FEZ1: variants seen among roughly 807,000 people sequenced by gnomAD.
FEZ1 encodes fasciculation and elongation protein zeta-1.
A neutral mutation model predicts 49.3 loss-of-function variants in FEZ1; 20 were observed. That is an observed-to-expected ratio of 0.41 (90% CI 0.29 to 0.59). The LOEUF (loss-of-function observed/expected upper bound fraction) is 0.59, where lower values mean the gene tolerates loss of function less well. FEZ1 is among the 20% of genes least tolerant of loss of function. The pLI is 0.36. For synonymous variants in FEZ1, 170 were observed against 180.9 expected (o/e 0.94, Z 0.48); for missense variants, 413 against 476.0 (o/e 0.87, Z 1.23).
intron 5 of FEZ1, among the ~76,000 whole-genome samples, chr11:125,458,399 T>C (rs1052818882): frequency 1.3e-5 from 2 of 152,248 alleles, no homozygotes; most frequent in African/African-American, 4.8e-5. Context: ...AGCCGTTTCT[T>C]GTGCACAGTC....
intron 3 of FEZ1, among the ~76,000 whole-genome samples, chr11:125,474,940 T>TA (rs1408409909): frequency 2.0e-5 from 3 of 151,304 alleles, no homozygotes; most frequent in East Asian, 2.0e-4. Context: ...AACAATGTAC[T>TA]AAAAAAATGC....
chr11:125,485,707 G>A (rs1342272804), intron 2 of FEZ1, among the ~76,000 whole-genome samples: 2 of 151,798 alleles, frequency 1.3e-5, no homozygotes, highest in South Asian at 2.1e-4. Flanking sequence ...AGGCTGAGGC[G>A]GGTGGATTGC....
intron 3 of FEZ1, among the ~76,000 whole-genome samples, chr11:125,474,795 G>A (rs1283465825): frequency 3.3e-5 from 5 of 152,258 alleles, no homozygotes; most frequent in African/African-American, 1.2e-4. Context: ...GGCTAAGGCA[G>A]GAGAATCACT....
At chr11:125,457,659 G>A (rs1244746534) in intron 5 of FEZ1, among the ~76,000 whole-genome samples, 2 of 151,646 alleles carry the variant, frequency 1.3e-5, no homozygotes. Context: ...TACATAGGGG[G>A]TGTATGTGTT....
intron 4 of FEZ1, among the ~76,000 whole-genome samples, chr11:125,460,883 T>C (rs1957068333): frequency 6.6e-6 from 1 of 152,220 alleles, no homozygotes; most frequent in Non-Finnish European, 1.5e-5. Context: ...TAAAACCTCT[T>C]CCAAGAGCTC....
intron 8 of FEZ1, among the ~76,000 whole-genome samples, chr11:125,449,417 T>TAAAAAAAAAAAAAAA (rs35920814): frequency 3.7e-5 from 1 of 27,014 alleles, no homozygotes; most frequent in African/African-American, 1.4e-4. Flanking sequence ...TTTGTCTCTA[T>TAAAAAAAAAAAAAAA]AAAAAAAAAA....
intron 3 of FEZ1, chr11:125,469,113 T>C (rs556795081): frequency 6.6e-6 from 1 of 152,384 alleles, no homozygotes; most frequent in Admixed American, 6.5e-5. Context: ...GTTTATTCTG[T>C]CCATCAAGCC....
chr11:125,493,359 GAGAAA>G (rs1957403006), intron 1 of FEZ1, among the ~76,000 whole-genome samples: 1 of 58,126 alleles, frequency 1.7e-5, no homozygotes, highest in Admixed American at 1.8e-4. Flanking sequence ...GAAAGAAAGA[GAGAAA>G]AGAAAGAAAG....
chr11:125,487,491 A>G (rs898301785), intron 2 of FEZ1, among the ~76,000 whole-genome samples: 2 of 152,234 alleles, frequency 1.3e-5, no homozygotes, highest in Non-Finnish European at 2.9e-5. Context: ...ACGAAAAAAT[A>G]TTCGGCATAA....
At chr11:125,454,000 G>A in intron 7 of FEZ1, 130 bp downstream of exon 7, 3 of 432,854 alleles carry the variant, frequency 6.9e-6, no homozygotes, top group East Asian at 4.2e-5. Flanking sequence ...GGAGAAAAAA[G>A]TGTTAGGACC....
At chr11:125,492,392 C>T (rs1336972293) in intron 1 of FEZ1, among the ~76,000 whole-genome samples, 1 of 152,152 alleles carries the variant, frequency 6.6e-6, no homozygotes. Flanking sequence ...TTATTTTATG[C>T]ATTTAAAAAC....
intron 2 of FEZ1, chr11:125,488,670 A>G: frequency 5.3e-6 from 5 of 936,988 alleles, no homozygotes; most frequent in Non-Finnish European, 6.4e-6. Flanking sequence ...ATAGAATGAA[A>G]CTTCATCTCA....
chr11:125,474,364 C>T (rs1037127945), intron 3 of FEZ1, among the ~76,000 whole-genome samples: 1 of 151,696 alleles, frequency 6.6e-6, no homozygotes, highest in Admixed American at 6.6e-5. Flanking sequence ...GAGGGGATCT[C>T]ACTATGTTGC....
chr11:125,481,065 G>C (rs1247795475), intron 3 of FEZ1, among the ~76,000 whole-genome samples: 2 of 151,100 alleles, frequency 1.3e-5, no homozygotes, highest in African/African-American at 4.9e-5. Context: ...AAAAAGGAAA[G>C]TAATGGCAGA....
At position 125,495,472 on chromosome 11, in the gene FEZ1, G is replaced by A. The variant is rs756530289; in HGVS notation, c.-46+649C>T. 2.1e-6 allele frequency: 1 copy of A among 470,730 alleles called. No homozygotes were observed. Among genetic ancestry groups the A allele is most frequent in the Non-Finnish European group, 4.4e-6 (1 of 226,886 alleles). 29.2% of individuals were successfully genotyped at this position (470,730 alleles called of 1,614,324 possible). A position where few individuals can be genotyped will look rare whatever the true frequency, so the allele number is the denominator to read the frequency against. On this transcript the variant is annotated intron_variant, in intron 1 of 9. Coordinates refer to ENST00000278919, the MANE Select transcript of FEZ1 (RefSeq NM_005103.5). This position sits in a 1 kb window ranked among gnomAD's most constrained non-coding sequence, Gnocchi z 4.2. ...CAGCGCGCCCCGCCACCGCGCAGCC[G>A]CCCCGGTCCCTTCTCCCGCCCGTCT...
At chr11:125,476,028 T>G (rs1176573379) in intron 3 of FEZ1, among the ~76,000 whole-genome samples, 1 of 152,236 alleles carries the variant, frequency 6.6e-6, no homozygotes, top group Admixed American at 6.5e-5. Flanking sequence ...ACATTGAGTT[T>G]AATAAGCCAG....
chr11:125,476,728 G>A (rs1441008405), intron 3 of FEZ1, among the ~76,000 whole-genome samples: 1 of 152,066 alleles, frequency 6.6e-6, no homozygotes, highest in Non-Finnish European at 1.5e-5. Context: ...ACAGATTTGG[G>A]GTTTCTCAAC....
chr11:125,451,678 C>A (rs1956959396), intron 8 of FEZ1, among the ~76,000 whole-genome samples: 1 of 152,222 alleles, frequency 6.6e-6, no homozygotes, highest in African/African-American at 2.4e-5. Flanking sequence ...ATGGCTAACA[C>A]CATGTGCCCC....
rs1565531861 is a variant in FEZ1, at chr11:125,454,119, AC to A, written c.1020+10del. ...TAGGAAGAGAGCTTGGAGCAGGGAG[AC>A]TACGCGTACCTGTTTGTCAGTTCCT... is the stretch of plus-strand genomic sequence containing the variant. On this transcript the variant is annotated intron_variant, in intron 7 of 9. Transcript: ENST00000278919. The A allele has an allele frequency of 6.2e-7, 1 of 1,605,588 alleles. No individual in the cohort carries two copies. The highest frequency in any genetic ancestry group is 2.2e-5 in the East Asian group (1 of 44,730).
Sources: gnomAD v4.1 joint callset for allele counts (sites outside exome capture counted in the v4.1 genomes callset) on GRCh38, gnomAD v4.1.1 for gene constraint, Gnocchi (gnomAD v3.1) non-coding constraint, MANE v1.5 for transcripts, NCBI Gene and HGNC (gene_info 2026-07-23, HGNC 2026-07-21) for gene names.